Variants in LMAN2L observed in about 807,000 individuals in gnomAD.
The protein encoded by LMAN2L is lectin, mannose binding 2 like.
LMAN2L carries 30 observed loss-of-function variants against 44.3 expected under a neutral mutation model. The observed-to-expected ratio is 0.68, with a 90% CI of 0.51 to 0.92. The LOEUF is 0.92. Among genes scored for constraint, LMAN2L ranks in the 40% least tolerant of loss-of-function variants. LMAN2L has a pLI of 0.00. For missense variants in LMAN2L, 429 were observed against 446.1 expected (o/e 0.96, Z 0.35); for synonymous variants, 183 against 171.1 (o/e 1.07, Z -0.54).
chr2:96,730,957 G>C (rs2078382619), intron 4 of LMAN2L, among the ~76,000 whole-genome samples: 1 of 152,114 alleles, frequency 6.6e-6, no homozygotes, highest in Non-Finnish European at 1.5e-5. Flanking sequence ...ACAGGCATGA[G>C]CCACTGCACC....
At chr2:96,730,446 G>A (rs1411605784) in intron 4 of LMAN2L, among the ~76,000 whole-genome samples, 1 of 152,074 alleles carries the variant, frequency 6.6e-6, no homozygotes, top group African/African-American at 2.4e-5. Context: ...CATACATTCA[G>A]TCTGCTCTGG....
rs1397165453 is a variant in LMAN2L at position 96,711,687 on chromosome 2, G to T, written c.753C>A (p.Phe251Leu). 1 of 1,613,926 alleles carries T rather than the reference G, an allele frequency of 6.2e-7. No homozygotes were observed. The highest frequency in any genetic ancestry group is 1.3e-5 in the African/African-American group (1 of 75,036). ...PGVRLPRGYY[F>L]GTSSITGDLS... ...GATCCCCAGTGATGGAGGAGGTGCC[G>T]AAGTAGTAGCCGCGGGGCAGGCGGA... Residue 251 changes from phenylalanine (F) to leucine (L), a missense_variant, in exon 6 of 8, where the codon TTC (phenylalanine) becomes TTA (leucine). Phe to Leu is a conservative substitution (Grantham distance 22, BLOSUM62 0). Coordinates refer to ENST00000264963, the MANE Select transcript of LMAN2L (RefSeq NM_030805.4).
At position 96,707,316 on chromosome 2, in the gene LMAN2L, T is replaced by C; in HGVS notation, c.987A>G (p.Ile329Met). ...FFSLVFSVFA[I>M]VIGIILYNKW... ...TGTTGTAGAGTATGATACCAATGAC[T>C]ATGGCAAATACAGAAAACACCAGGG... The change falls in exon 8 of 8, where the codon ATA (isoleucine) becomes ATG (methionine). Residue 329 changes from isoleucine (I) to methionine (M), a missense_variant. Transcript: ENST00000264963. 6.2e-7 allele frequency: 1 copy of C among 1,613,878 alleles called. No individual in the cohort carries two copies. The highest frequency in any genetic ancestry group is 1.1e-5 in the South Asian group (1 of 91,068).
intron 6 of LMAN2L, among the ~76,000 whole-genome samples, chr2:96,708,258 A>C (rs1245858892): frequency 6.6e-6 from 1 of 152,250 alleles, no homozygotes; most frequent in Admixed American, 6.5e-5. Flanking sequence ...ACACAATCAC[A>C]AGGGTAAACA....
chr2:96,707,978 TAAAA>T, intron 6 of LMAN2L, 145 bp from the exon 7 acceptor site: 1 of 788,682 alleles, frequency 1.3e-6, no homozygotes, highest in Non-Finnish European at 2.0e-6. Flanking sequence ...ATTTTGCAAC[TAAAA>T]ATAAGGATGG....
Position 96,707,377 on chromosome 2 carries a change from A to G in LMAN2L, c.926T>C (p.Leu309Pro). ...LPEMTAPLPP[L>P]SGLALFLIVF... is the part of the protein sequence containing the mutation. ...GATGAGGAAGAGGGCCAGGCCACTC[A>G]GGGGCGGCAGTGGAGCTGTCACTGA... Residue 309 changes from leucine to proline, a missense_variant, in exon 8 of 8, where the codon CTG becomes CCG. Physicochemically the swap from Leu to Pro is moderately conservative, Grantham distance 98. Transcript: ENST00000264963. 2 of 1,612,742 alleles carry G rather than the reference A, an allele frequency of 1.2e-6. No individual in the cohort carries two copies. Among genetic ancestry groups the G allele is most frequent in the Non-Finnish European group, 1.7e-6 (2 of 1,179,404 alleles).
At chr2:96,725,126 C>A (rs1224986342) in intron 4 of LMAN2L, among the ~76,000 whole-genome samples, 4 of 151,952 alleles carry the variant, frequency 2.6e-5, no homozygotes, top group Non-Finnish European at 5.9e-5. Flanking sequence ...CCACAGCGCC[C>A]GGCCTATATT....
At chr2:96,728,148 G>T (rs553540758) in intron 4 of LMAN2L, among the ~76,000 whole-genome samples, 65 of 152,316 alleles carry the variant, frequency 4.3e-4, no homozygotes, top group African/African-American at 1.5e-3. Context: ...ATGTAGAAAG[G>T]AAGATACTTT....
chr2:96,728,891 G>A lies in LMAN2L; in HGVS notation c.507+4628C>T, dbSNP rs539137285. On this transcript the variant is annotated intron_variant, in intron 4 of 7. Coordinates refer to ENST00000264963, the MANE Select transcript of LMAN2L (RefSeq NM_030805.4). ...CATCTCGAAAAATAAAATAAAATAAGGCCAGGCGCAGTGGCTCACCCCTGT... is the reference window on the plus strand; with the variant it reads ...CATCTCGAAAAATAAAATAAAATAAAGCCAGGCGCAGTGGCTCACCCCTGT... 3.4e-5 allele frequency among the ~76,000 whole-genome samples: 5 copies of A among 148,938 alleles called. No homozygotes were observed. The South Asian group carries it at 6.4e-4, about 19-fold the overall frequency.
At chr2:96,723,806 A>G (rs1161828667) in intron 4 of LMAN2L, among the ~76,000 whole-genome samples, 2 of 152,220 alleles carry the variant, frequency 1.3e-5, no homozygotes, top group African/African-American at 4.8e-5. Context: ...TTAATTGATT[A>G]GACCGGGCAC....
chr2:96,732,529 A>G (rs1214637630), intron 4 of LMAN2L, among the ~76,000 whole-genome samples: 1 of 151,830 alleles, frequency 6.6e-6, no homozygotes, highest in Non-Finnish European at 1.5e-5. Flanking sequence ...CTGTAGTCCC[A>G]GCTACGCGGG....
At chr2:96,722,836 C>T (rs2078187565) in intron 4 of LMAN2L, among the ~76,000 whole-genome samples, 1 of 152,158 alleles carries the variant, frequency 6.6e-6, no homozygotes, top group Admixed American at 6.5e-5. Flanking sequence ...GCCTGGCCAA[C>T]ATGGCAAAAC....
intron 4 of LMAN2L, among the ~76,000 whole-genome samples, chr2:96,730,756 C>T (rs1014388038): frequency 2.0e-5 from 3 of 152,088 alleles, no homozygotes; most frequent in Admixed American, 6.6e-5. Context: ...CACACTGCAA[C>T]CTCCACCTTC....
At chr2:96,737,259 C>A in intron 2 of LMAN2L, 2 of 408,998 alleles carry the variant, frequency 4.9e-6, no homozygotes, top group African/African-American at 2.1e-5. Context: ...TGACCAACAG[C>A]TCAGAGTGGC....
At chr2:96,707,534 C>T in intron 7 of LMAN2L, 136 bp from the exon 8 acceptor site, 1 of 1,259,044 alleles carries the variant, frequency 7.9e-7, no homozygotes, top group Non-Finnish European at 1.1e-6. Flanking sequence ...CTCTTTCCAA[C>T]TGAGAAACAA....
rs137920440 is a variant in LMAN2L, at chr2:96,726,256, T to C, written c.507+7263A>G. ...CCTTGCTAAATTCATTTAGTAGTTCTAATAGGTTTTTTTTTGTGGATTCCT... is the reference window on the plus strand; with the variant it reads ...CCTTGCTAAATTCATTTAGTAGTTCCAATAGGTTTTTTTTTGTGGATTCCT... On this transcript the variant is annotated intron_variant, in intron 4 of 7. Coordinates refer to ENST00000264963, the MANE Select transcript of LMAN2L (RefSeq NM_030805.4). Among the ~76,000 whole-genome samples, 523 of 151,708 alleles carry C rather than the reference T, an allele frequency of 3.4e-3. 3 individuals carry two copies. Among genetic ancestry groups the C allele is most frequent in the African/African-American group, 0.012 (491 of 41,478 alleles).
chr2:96,731,882 T>C (rs950844091), intron 4 of LMAN2L, among the ~76,000 whole-genome samples: 2 of 151,850 alleles, frequency 1.3e-5, no homozygotes, highest in African/African-American at 4.8e-5. Context: ...CCTGAGTAGC[T>C]GGGATTACAG....
intron 1 of LMAN2L, among the ~76,000 whole-genome samples, chr2:96,739,516 A>C (rs975054108): frequency 1.3e-5 from 2 of 152,092 alleles, no homozygotes; most frequent in Non-Finnish European, 2.9e-5. Context: ...CCACAGGTCC[A>C]TCTGGAGACT....
chr2:96,734,666 C>T, intron 2 of LMAN2L, 140 bp from the exon 3 acceptor site: 5 of 632,392 alleles, frequency 7.9e-6, no homozygotes, highest in South Asian at 3.7e-5. Context: ...CTAAGACTTG[C>T]TATGTGTTCA....
Sources: allele counts gnomAD v4.1 joint callset (sites outside exome capture counted in the v4.1 genomes callset), GRCh38; gene constraint gnomAD v4.1.1; transcripts MANE v1.5; gene names NCBI Gene and HGNC (gene_info 2026-07-23, HGNC 2026-07-21).